FILIP1L: variants seen among roughly 807,000 people sequenced by gnomAD.
FILIP1L encodes filamin A interacting protein 1 like, also known as filamin A-interacting protein 1-like.
FILIP1L carries 55 observed loss-of-function variants against 96.6 expected under a neutral mutation model. The observed-to-expected ratio is 0.57, with a 90% confidence interval of 0.46 to 0.71. FILIP1L has a LOEUF of 0.71. Among genes scored for constraint, FILIP1L ranks in the 30% least tolerant of loss-of-function variants. FILIP1L has a pLI of 0.00. For synonymous variants in FILIP1L, 467 were observed against 473.9 expected, an observed-to-expected ratio of 0.99 and a Z score of 0.19; for missense variants, 1,304 against 1,321.2, an observed-to-expected ratio of 0.99 and a Z score of 0.20.
At chr3:99,991,137 A>C (rs934795824) in intron 1 of FILIP1L, among the ~76,000 whole-genome samples, 1 of 152,188 alleles carries the variant, frequency 6.6e-6, no homozygotes, top group Non-Finnish European at 1.5e-5. Flanking sequence ...GGAATATAAC[A>C]GGAAATATGC....
intron 1 of FILIP1L, among the ~76,000 whole-genome samples, chr3:100,103,133 C>G: frequency 6.6e-6 from 1 of 152,140 alleles, no homozygotes; most frequent in East Asian, 1.9e-4. Context: ...TCCTGTTCAC[C>G]CTGTGATTGT....
intron 1 of FILIP1L, among the ~76,000 whole-genome samples, chr3:100,043,039 C>T (rs534713714): frequency 1.3e-5 from 2 of 152,336 alleles, no homozygotes; most frequent in African/African-American, 2.4e-5. Flanking sequence ...CTTCTTTGCT[C>T]ATCTCTCTTT....
chr3:99,979,799 C>T (rs752362686), intron 1 of FILIP1L, among the ~76,000 whole-genome samples: 5 of 152,140 alleles, frequency 3.3e-5, no homozygotes, highest in Non-Finnish European at 7.4e-5. Context: ...CCTCCTAGTC[C>T]TTAAAGAGGG....
chr3:100,002,946 G>T (rs1319387491), intron 1 of FILIP1L, among the ~76,000 whole-genome samples: 3 of 152,170 alleles, frequency 2.0e-5, no homozygotes. Flanking sequence ...AGACATTCTT[G>T]CTGGGTTGCA....
rs1035269948 is a variant in FILIP1L at position 99,895,568 on chromosome 3, A to C, written c.605+28662T>G. 2.0e-5 allele frequency among the ~76,000 whole-genome samples: 3 copies of C among 152,168 alleles called. No homozygotes were observed. The South Asian group carries it at 6.2e-4, about 32-fold the overall frequency. On this transcript the variant is annotated intron_variant, in intron 4 of 5. Coordinates refer to ENST00000477258, the MANE Select transcript of FILIP1L (RefSeq NM_001387850.1). Reference sequence around the variant, plus strand: ...TTTAGGGAACTTAGTTCACAATAGCATAACTATGAACCCATGGTAATTTTT... The same window carrying C: ...TTTAGGGAACTTAGTTCACAATAGCCTAACTATGAACCCATGGTAATTTTT...
At chr3:100,000,201 G>T (rs1475299367) in intron 1 of FILIP1L, among the ~76,000 whole-genome samples, 1 of 152,050 alleles carries the variant, frequency 6.6e-6, no homozygotes, top group Non-Finnish European at 1.5e-5. Context: ...GATCCTTCAG[G>T]TCTCTATCTA....
At chr3:99,948,380 GA>G (rs1034708807) in intron 1 of FILIP1L, among the ~76,000 whole-genome samples, 5 of 151,278 alleles carry the variant, frequency 3.3e-5, no homozygotes, top group Non-Finnish European at 5.9e-5. Context: ...AAATAAGAAA[GA>G]AAAAAAATTA....
chr3:99,856,655 G>T lies in FILIP1L; in HGVS notation c.606-5585C>A, dbSNP rs112586779. Among the ~76,000 whole-genome samples the T allele has an allele frequency of 7.3e-3, 1,105 of 152,248 alleles. 19 individuals are homozygous for T. Among genetic ancestry groups the T allele is most frequent in the African/African-American group, 0.025 (1,018 of 41,548 alleles). ...ATCACTATTATTATGTACAATACCA[G>T]TTCCTTATTTTTTCAAAAACATCAC... On this transcript the variant is annotated intron_variant, in intron 4 of 5. Coordinates refer to ENST00000477258, the MANE Select transcript of FILIP1L (RefSeq NM_001387850.1).
chr3:100,072,408 A>T (rs2065778197), intron 1 of FILIP1L, among the ~76,000 whole-genome samples: 2 of 152,172 alleles, frequency 1.3e-5, no homozygotes, highest in African/African-American at 4.8e-5. Context: ...CAAGTAACAG[A>T]GTTGTCTCTG....
At chr3:99,939,830 A>G (rs1274679741) in intron 1 of FILIP1L, among the ~76,000 whole-genome samples, 10 of 152,224 alleles carry the variant, frequency 6.6e-5, no homozygotes, top group African/African-American at 9.6e-5. Flanking sequence ...GGAATCTTCA[A>G]TAATTTTAGT....
In FILIP1L at chr3:99,929,513, AGTGTGTGTGTGT is replaced by A. The variant is rs10629410; in HGVS notation, c.426+331_426+342del. 4.6e-3 allele frequency among the ~76,000 whole-genome samples: 684 copies of A among 148,276 alleles called. 6 individuals carry two copies. The highest frequency in any genetic ancestry group is 0.017 in the African/African-American group (669 of 40,348). ...GCCTGGGTACCCTGCAAGTTCCCAGAGTGTGTGTGTGTGTGTGTGTGTGTGTGTAAGCACATG... is the reference window on the plus strand; with the variant it reads ...GCCTGGGTACCCTGCAAGTTCCCAGAGTGTGTGTGTGTGTGTAAGCACATG... On this transcript the variant is annotated intron_variant, in intron 3 of 5. Transcript: ENST00000477258.
chr3:100,028,378 C>T (rs1032730379), intron 1 of FILIP1L, among the ~76,000 whole-genome samples: 1 of 152,090 alleles, frequency 6.6e-6, no homozygotes, highest in Non-Finnish European at 1.5e-5. Flanking sequence ...TCAAGATAAG[C>T]ATTTAGGAGG....
At chr3:99,914,406 A>G (rs2107642864) in intron 4 of FILIP1L, among the ~76,000 whole-genome samples, 1 of 152,312 alleles carries the variant, frequency 6.6e-6, no homozygotes, top group Non-Finnish European at 1.5e-5. Context: ...AAATGTTATA[A>G]TCTTTAAGTG....
At chr3:99,842,805 T>G (rs1363289870) in intron 5 of FILIP1L, among the ~76,000 whole-genome samples, 1 of 152,214 alleles carries the variant, frequency 6.6e-6, no homozygotes, top group Non-Finnish European at 1.5e-5. Flanking sequence ...CCTGATGGAA[T>G]GTTGACAGAT....
At chr3:100,092,677 A>C (rs2066131147) in intron 1 of FILIP1L, among the ~76,000 whole-genome samples, 1 of 147,028 alleles carries the variant, frequency 6.8e-6, no homozygotes, top group Non-Finnish European at 1.5e-5. Flanking sequence ...GCAAACATAC[A>C]TTATTGCTAT....
intron 1 of FILIP1L, among the ~76,000 whole-genome samples, chr3:100,100,441 A>G (rs1451659999): frequency 6.6e-6 from 1 of 152,204 alleles, no homozygotes; most frequent in Non-Finnish European, 1.5e-5. Context: ...TTTACAGATT[A>G]GGTCATAAGG....
intron 1 of FILIP1L, among the ~76,000 whole-genome samples, chr3:99,961,253 CCT>C (rs1478584477): frequency 7.2e-5 from 11 of 152,060 alleles, no homozygotes; most frequent in Admixed American, 2.6e-4. Flanking sequence ...GGTGTTATCC[CCT>C]GTGTTGGAAT....
At chr3:100,004,731 G>T (rs1474893119) in intron 1 of FILIP1L, among the ~76,000 whole-genome samples, 1 of 152,152 alleles carries the variant, frequency 6.6e-6, no homozygotes, top group Non-Finnish European at 1.5e-5. Flanking sequence ...ATACCTAAAA[G>T]GTAGGATTGG....
intron 1 of FILIP1L, among the ~76,000 whole-genome samples, chr3:99,996,591 C>G (rs1233065784): frequency 6.6e-6 from 1 of 152,062 alleles, no homozygotes; most frequent in East Asian, 1.9e-4. Context: ...ATACCCAAGA[C>G]TGGGAAGAAA....
Sources: allele counts gnomAD v4.1 joint callset (sites outside exome capture counted in the v4.1 genomes callset), GRCh38; gene constraint gnomAD v4.1.1; transcripts MANE v1.5; gene names NCBI Gene and HGNC (gene_info 2026-07-23, HGNC 2026-07-21).